STX8: variants seen among roughly 807,000 people sequenced by gnomAD.
STX8 encodes syntaxin-8.
In STX8, 23 loss-of-function variants were observed where a neutral mutation model predicts 37.5. That is an observed-to-expected ratio of 0.61 (90% confidence interval 0.44 to 0.87). The LOEUF is 0.87. STX8 is among the 40% of genes least tolerant of loss of function. STX8 has a pLI of 0.00. For synonymous variants in STX8, 115 were observed against 99.1 expected, an observed-to-expected ratio of 1.16 and a Z score of -0.95; for missense variants, 313 against 284.7, an observed-to-expected ratio of 1.10 and a Z score of -0.71.
In STX8 at chr17:9,385,888, T is replaced by C. The variant is rs191873080; in HGVS notation, c.542-7235A>G. On this transcript the variant is annotated intron_variant, in intron 6 of 7. Transcript: ENST00000306357. ...TCCGAGTTCAAGCAATTCTCCAGCC[T>C]CGCCCTCCTGAGTAGCTGGGATTTA... Among the ~76,000 whole-genome samples the C allele has an allele frequency of 4.5e-3, 680 of 152,318 alleles. 5 individuals carry two copies. The highest frequency in any genetic ancestry group is 0.015 in the African/African-American group (628 of 41,580).
chr17:9,429,181 A>G (rs1202816935), intron 6 of STX8, among the ~76,000 whole-genome samples: 1 of 151,502 alleles, frequency 6.6e-6, no homozygotes, highest in Non-Finnish European at 1.5e-5. Flanking sequence ...TTTAAACTGT[A>G]TAATTACATA....
chr17:9,526,737 G>A (rs1167847670), intron 4 of STX8, among the ~76,000 whole-genome samples: 16 of 152,102 alleles, frequency 1.1e-4, no homozygotes, highest in Admixed American at 1.0e-3. Context: ...AGGTGTGGTG[G>A]TGCGTGCCTG....
At chr17:9,461,468 G>A (rs1905385168) in intron 6 of STX8, 1 of 152,198 alleles carries the variant, frequency 6.6e-6, no homozygotes. Flanking sequence ...AGAGACAGAA[G>A]CCAATATAAA....
intron 5 of STX8, among the ~76,000 whole-genome samples, chr17:9,497,328 G>A (rs1904443977): frequency 6.6e-6 from 1 of 152,136 alleles, no homozygotes; most frequent in South Asian, 2.1e-4. Context: ...TTAGATTCAG[G>A]AAATATTGTT....
chr17:9,469,595 GTTC>G (rs1379204704), intron 6 of STX8, among the ~76,000 whole-genome samples: 7 of 152,114 alleles, frequency 4.6e-5, no homozygotes, highest in African/African-American at 1.7e-4. Context: ...AACACAACCA[GTTC>G]TTCTTCCTAA....
At chr17:9,488,364 C>T (rs1453372982) in intron 6 of STX8, among the ~76,000 whole-genome samples, 1 of 151,874 alleles carries the variant, frequency 6.6e-6, no homozygotes, top group Non-Finnish European at 1.5e-5. Flanking sequence ...AGAACAGTGG[C>T]TCCCTAAAGA....
chr17:9,341,294 C>G (rs1488742836), intron 7 of STX8, among the ~76,000 whole-genome samples: 1 of 152,152 alleles, frequency 6.6e-6, no homozygotes, highest in Non-Finnish European at 1.5e-5. Flanking sequence ...CTATGCCCGC[C>G]TGGCCTCCAC....
chr17:9,278,568 C>T (rs1265644059), intron 7 of STX8, among the ~76,000 whole-genome samples: 3 of 152,198 alleles, frequency 2.0e-5, no homozygotes, highest in African/African-American at 7.2e-5. Context: ...ATAACTGGGT[C>T]AATGGCATGC....
At chr17:9,256,534 G>A (rs971795411) in intron 7 of STX8, among the ~76,000 whole-genome samples, 1 of 152,208 alleles carries the variant, frequency 6.6e-6, no homozygotes, top group African/African-American at 2.4e-5. Flanking sequence ...CTGGCTTTAT[G>A]CAAACCCTCA....
At chr17:9,259,520 C>G (rs992872261) in intron 7 of STX8, among the ~76,000 whole-genome samples, 1 of 152,154 alleles carries the variant, frequency 6.6e-6, no homozygotes, top group Admixed American at 6.5e-5. Context: ...CTCCGAGGCC[C>G]GGCGGTGATG....
intron 7 of STX8, among the ~76,000 whole-genome samples, chr17:9,375,577 T>C (rs1366705129): frequency 6.6e-6 from 1 of 152,202 alleles, no homozygotes; most frequent in Non-Finnish European, 1.5e-5. Context: ...CTTCCTGCTC[T>C]AGACATATAG....
intron 7 of STX8, among the ~76,000 whole-genome samples, chr17:9,273,034 A>G (rs1182321449): frequency 6.6e-6 from 1 of 152,226 alleles, no homozygotes; most frequent in African/African-American, 2.4e-5. Context: ...CTTAACAACA[A>G]CAAAGAAGGA....
intron 6 of STX8, among the ~76,000 whole-genome samples, chr17:9,475,939 G>A (rs998557208): frequency 1.3e-5 from 2 of 152,200 alleles, no homozygotes; most frequent in Admixed American, 6.5e-5. Flanking sequence ...CCAGCACTTC[G>A]GGAGGTCAAG....
intron 7 of STX8, among the ~76,000 whole-genome samples, chr17:9,294,336 T>C (rs1908435480): frequency 1.3e-5 from 2 of 152,246 alleles, no homozygotes; most frequent in Non-Finnish European, 2.9e-5. Flanking sequence ...GAGCCCTTAC[T>C]ATGTGCAAAA....
At chr17:9,329,050 C>CAAAAAAAAAAAAA (rs998679728) in intron 7 of STX8, among the ~76,000 whole-genome samples, 1 of 27,998 alleles carries the variant, frequency 3.6e-5, no homozygotes, top group Non-Finnish European at 9.4e-5. Context: ...GATTCCATCT[C>CAAAAAAAAAAAAA]AAAAAAAAAA....
intron 7 of STX8, among the ~76,000 whole-genome samples, chr17:9,299,897 C>A (rs1364401456): frequency 1.3e-5 from 2 of 152,182 alleles, no homozygotes; most frequent in Non-Finnish European, 2.9e-5. Context: ...CCTCAATCAA[C>A]TACGTTTGCC....
intron 4 of STX8, among the ~76,000 whole-genome samples, chr17:9,511,331 C>T (rs554889803): frequency 1.3e-5 from 2 of 152,102 alleles, no homozygotes; most frequent in East Asian, 3.9e-4. Flanking sequence ...GGCCAATATC[C>T]CTGATAAATA....
At chr17:9,439,457 T>C (rs1399468859) in intron 6 of STX8, among the ~76,000 whole-genome samples, 2 of 152,112 alleles carry the variant, frequency 1.3e-5, no homozygotes, top group African/African-American at 4.8e-5. Flanking sequence ...AATTTACTTA[T>C]ATCTTCAATA....
chr17:9,430,676 G>A (rs1012207666), intron 6 of STX8, among the ~76,000 whole-genome samples: 8 of 140,450 alleles, frequency 5.7e-5, no homozygotes, highest in Admixed American at 3.7e-4. Flanking sequence ...TTGAGACAGA[G>A]TCTCGCTCTG....
Sources: allele counts gnomAD v4.1 joint callset (sites outside exome capture counted in the v4.1 genomes callset), GRCh38; gene constraint gnomAD v4.1.1; transcripts MANE v1.5; gene names NCBI Gene and HGNC (gene_info 2026-07-23, HGNC 2026-07-21).